Variants in GABRB1 observed in about 807,000 individuals in gnomAD.
The protein encoded by GABRB1 is gamma-aminobutyric acid type A receptor subunit beta1.
Under a neutral mutation model 51.6 loss-of-function variants are expected in GABRB1, and 17 were observed. The observed-to-expected ratio is 0.33, with a 90% confidence interval of 0.23 to 0.49. GABRB1 has a LOEUF of 0.49. Ranked by LOEUF, GABRB1 falls within the 20% of genes least tolerant of loss-of-function variation. The probability of loss-of-function intolerance (pLI) is 0.99; values close to 1 mark genes in which losing one functional copy is unlikely to be tolerated. For synonymous variants in GABRB1, 247 were observed against 218.9 expected (o/e 1.13, Z -1.14); for missense variants, 410 against 600.6 (o/e 0.68, Z 3.32).
intron 3 of GABRB1, among the ~76,000 whole-genome samples, chr4:47,078,711 A>G (rs558610955): frequency 6.6e-6 from 1 of 152,132 alleles, no homozygotes; most frequent in Admixed American, 6.5e-5. Context: ...TAATGCTACA[A>G]TTTCATCTCT....
At chr4:47,023,424 T>A (rs1477353941) in intron 1 of GABRB1, among the ~76,000 whole-genome samples, 1 of 152,022 alleles carries the variant, frequency 6.6e-6, no homozygotes, top group Non-Finnish European at 1.5e-5. Flanking sequence ...ATCTTTCTAT[T>A]TTTTGTTTTT....
At chr4:47,326,063 G>C (rs552148896) in intron 5 of GABRB1, among the ~76,000 whole-genome samples, 3 of 152,264 alleles carry the variant, frequency 2.0e-5, no homozygotes, top group African/African-American at 7.2e-5. Flanking sequence ...TTATACCCTT[G>C]ATTGGAGCAT....
intron 4 of GABRB1, among the ~76,000 whole-genome samples, chr4:47,185,003 A>G (rs1719113522): frequency 6.6e-6 from 1 of 151,868 alleles, no homozygotes; most frequent in Admixed American, 6.6e-5. Context: ...CCTAAGTGCA[A>G]CAGGCCTTCC....
chr4:47,127,507 C>T (rs1390604610), intron 3 of GABRB1, among the ~76,000 whole-genome samples: 1 of 151,692 alleles, frequency 6.6e-6, no homozygotes, highest in Non-Finnish European at 1.5e-5. Flanking sequence ...TATTCACCGC[C>T]ACCACCATAT....
chr4:47,396,901 A>G (rs1429296471), intron 5 of GABRB1, among the ~76,000 whole-genome samples: 2 of 152,216 alleles, frequency 1.3e-5, no homozygotes, highest in Non-Finnish European at 2.9e-5. Context: ...TTTAATTTTA[A>G]TTTGAGTTTC....
intron 4 of GABRB1, among the ~76,000 whole-genome samples, chr4:47,217,033 A>G (rs1489165916): frequency 6.6e-6 from 1 of 151,928 alleles, no homozygotes; most frequent in Admixed American, 6.6e-5. Flanking sequence ...AATAAGCTAG[A>G]TCTATGTGCA....
intron 4 of GABRB1, among the ~76,000 whole-genome samples, chr4:47,193,888 T>C (rs1203899303): frequency 6.6e-6 from 1 of 152,218 alleles, no homozygotes; most frequent in Non-Finnish European, 1.5e-5. Context: ...GTGTTTGTTA[T>C]CTAAATGCAA....
intron 1 of GABRB1, among the ~76,000 whole-genome samples, chr4:47,008,660 G>C (rs1410553337): frequency 1.7e-5 from 2 of 117,178 alleles, no homozygotes; most frequent in Admixed American, 9.5e-5. Context: ...TGTATTTTTA[G>C]TAGAGACGAG....
At chr4:47,150,358 A>G (rs918755062) in intron 3 of GABRB1, among the ~76,000 whole-genome samples, 3 of 111,140 alleles carry the variant, frequency 2.7e-5, no homozygotes, top group Non-Finnish European at 6.0e-5. Flanking sequence ...ATACACACAC[A>G]CACACGCACA....
chr4:47,253,400 C>T (rs569188489), intron 4 of GABRB1, among the ~76,000 whole-genome samples: 91 of 152,256 alleles, frequency 6.0e-4, no homozygotes, highest in Non-Finnish European at 8.8e-4. Flanking sequence ...CAAACTAGGA[C>T]GGCAACTTGG....
At chr4:47,337,646 C>T (rs1725745842) in intron 5 of GABRB1, among the ~76,000 whole-genome samples, 1 of 151,572 alleles carries the variant, frequency 6.6e-6, no homozygotes, top group African/African-American at 2.4e-5. Context: ...CCCGCCTCTA[C>T]TAAAAATACA....
chr4:47,217,777 G>T (rs1021222744), intron 4 of GABRB1, among the ~76,000 whole-genome samples: 7 of 151,592 alleles, frequency 4.6e-5, no homozygotes, highest in Non-Finnish European at 8.9e-5. Context: ...AATGTGAAAT[G>T]ATCACATTTT....
chr4:47,025,745 C>A (rs991329059), intron 1 of GABRB1, among the ~76,000 whole-genome samples: 1 of 151,904 alleles, frequency 6.6e-6, no homozygotes. Context: ...ATTTCTTTTG[C>A]TAATCTTGTC....
At chr4:47,414,973 T>C (rs2110062675) in intron 8 of GABRB1, among the ~76,000 whole-genome samples, 1 of 152,356 alleles carries the variant, frequency 6.6e-6, no homozygotes, top group African/African-American at 2.4e-5. Context: ...CCAGAATTTC[T>C]ACTGACAGCC....
chr4:47,079,413 G>A lies in GABRB1; in HGVS notation c.240+46929G>A, dbSNP rs574071812. ...GTTTATTTGCATAGAGGTGTTTATAGTATTCTCTGATGGTAGTTTGTATTT... is the reference window on the plus strand; with the variant it reads ...GTTTATTTGCATAGAGGTGTTTATAATATTCTCTGATGGTAGTTTGTATTT... On this transcript the variant is annotated intron_variant, in intron 3 of 8. Coordinates refer to ENST00000295454, the MANE Select transcript of GABRB1 (RefSeq NM_000812.4). 1.2e-4 allele frequency among the ~76,000 whole-genome samples: 19 copies of A among 152,128 alleles called. No individual in the cohort carries two copies. The South Asian group carries it at 3.7e-3, about 30-fold the overall frequency.
At chr4:47,341,497 C>A (rs942155443) in intron 5 of GABRB1, among the ~76,000 whole-genome samples, 2 of 152,108 alleles carry the variant, frequency 1.3e-5, no homozygotes, top group African/African-American at 4.8e-5. Flanking sequence ...AAATCTGGGA[C>A]ACAACAAAGA....
intron 5 of GABRB1, among the ~76,000 whole-genome samples, chr4:47,338,056 T>C (rs1725763252): frequency 1.3e-5 from 2 of 152,170 alleles, no homozygotes; most frequent in Non-Finnish European, 2.9e-5. Context: ...ACTGTGATTA[T>C]TGTCACTGCT....
chr4:47,123,676 A>G (rs1715934002), intron 3 of GABRB1, among the ~76,000 whole-genome samples: 1 of 74,378 alleles, frequency 1.3e-5, no homozygotes, highest in South Asian at 4.8e-4. Context: ...ATGATATGAT[A>G]TATCATATAT....
At chr4:47,121,331 G>C (rs907020772) in intron 3 of GABRB1, among the ~76,000 whole-genome samples, 2 of 152,136 alleles carry the variant, frequency 1.3e-5, no homozygotes, top group African/African-American at 4.8e-5. Context: ...TGAGGCCACT[G>C]CCAGGGAATA....
Sources: allele counts gnomAD v4.1 joint callset (sites outside exome capture counted in the v4.1 genomes callset), GRCh38; gene constraint gnomAD v4.1.1; transcripts MANE v1.5; gene names NCBI Gene and HGNC (gene_info 2026-07-23, HGNC 2026-07-21).